The following EFNA2 variants were observed in gnomAD, a reference collection of about 807,000 sequenced individuals.
EFNA2 encodes the protein ephrin-A2.
Under a neutral mutation model 19.7 loss-of-function variants are expected in EFNA2, and 18 were observed. The observed-to-expected ratio is 0.91, with a 90% CI of 0.63 to 1.35. The LOEUF (loss-of-function observed/expected upper bound fraction) is 1.35, where lower values mean the gene tolerates loss of function less well. Among genes scored for constraint, EFNA2 ranks in the 40% most tolerant of loss-of-function variants. EFNA2 has a pLI of 0.00. For synonymous variants in EFNA2, 187 were observed against 137.8 expected (o/e 1.36, Z -2.50); for missense variants, 303 against 296.0 (o/e 1.02, Z -0.17).
Position 1,295,740 on chromosome 19 carries a change from G to T in EFNA2, c.336G>T (p.Trp112Cys). The T allele has an allele frequency of 6.2e-7, 1 of 1,607,826 alleles. No homozygotes were observed. The highest frequency in any genetic ancestry group is 8.5e-7 in the Non-Finnish European group (1 of 1,177,832). Residue 112 changes from tryptophan (W) to cysteine (C), a missense_variant, in exon 2 of 4, where the codon TGG (tryptophan) becomes TGT (cysteine). Coordinates refer to ENST00000215368, the MANE Select transcript of EFNA2 (RefSeq NM_001405.4). The surrounding 1 kb of genome is among the most constrained non-coding windows in gnomAD (Gnocchi z 5.8). ...ACCGCCAGCGCGGCTTCAAGCGCTG[G>T]GAGTGCAACCGGCCCGCGGCGCCCG... ...CDHRQRGFKRWECNRPAAPGG... is the reference protein window; with the variant it reads ...CDHRQRGFKRCECNRPAAPGG...
intron 3 of EFNA2, 134 bp from the exon 4 acceptor site, chr19:1,299,690 C>T: frequency 7.9e-7 from 1 of 1,273,028 alleles, no homozygotes. Flanking sequence ...GGGATGGCAC[C>T]AAGAGGGAGC....
At chr19:1,292,716 G>T (rs895692174) in intron 1 of EFNA2, among the ~76,000 whole-genome samples, 1 of 152,148 alleles carries the variant, frequency 6.6e-6, no homozygotes, top group African/African-American at 2.4e-5. Context: ...TTATTCTGAG[G>T]ATCAGGAATG....
chr19:1,298,914 C>T (rs2081527896), intron 3 of EFNA2, among the ~76,000 whole-genome samples: 1 of 152,170 alleles, frequency 6.6e-6, no homozygotes, highest in Non-Finnish European at 1.5e-5. Context: ...CACTGCATTC[C>T]AGCCTGGGTG....
chr19:1,296,274 G>A lies in EFNA2; in HGVS notation c.454+416G>A, dbSNP rs34917646. On this transcript the variant is annotated intron_variant, in intron 2 of 3. Coordinates refer to ENST00000215368, the MANE Select transcript of EFNA2 (RefSeq NM_001405.4). The surrounding 1 kb of genome is among the most constrained non-coding windows in gnomAD (Gnocchi z 4.4). ...CTCAGACCACTTGGTGGTTGGGCCA[G>A]TAGACCTGGCTCAGCCCCCCGATAG... is the stretch of plus-strand genomic sequence containing the variant. 0.15 allele frequency among the ~76,000 whole-genome samples: 22,874 copies of A among 152,166 alleles called. 2,185 individuals are homozygous for A. Among genetic ancestry groups the A allele is most frequent in the African/African-American group, 0.27 (11,159 of 41,478 alleles).
At chr19:1,299,582 C>CAA (rs76643561) in intron 3 of EFNA2, among the ~76,000 whole-genome samples, 18 of 94,858 alleles carry the variant, frequency 1.9e-4, no homozygotes, top group African/African-American at 4.6e-4. Flanking sequence ...AAAAATAAAG[C>CAA]AAAAAAAAAA....
intron 1 of EFNA2, among the ~76,000 whole-genome samples, chr19:1,291,527 A>G (rs1467280556): frequency 5.3e-5 from 8 of 151,958 alleles, no homozygotes. Flanking sequence ...CCTCAGCCCC[A>G]CGCTGGGCTT....
Position 1,286,271 on chromosome 19 carries a change from G to A in EFNA2, c.103G>A (p.Asp35Asn). 9.0e-7 allele frequency: 1 copy of A among 1,112,308 alleles called. No homozygotes were observed. Among genetic ancestry groups the A allele is most frequent in the Non-Finnish European group, 1.1e-6 (1 of 899,668 alleles). 68.9% of individuals were successfully genotyped at this position (1,112,308 alleles called of 1,614,324 possible). Residue 35 changes from aspartate (D) to asparagine (N), a missense_variant, in exon 1 of 4, where the codon GAC (aspartate) becomes AAC (asparagine). Asp to Asn is a conservative substitution (Grantham distance 23, BLOSUM62 1). Transcript: ENST00000215368. The surrounding 1 kb of genome is among the most constrained non-coding windows in gnomAD (Gnocchi z 5.6). ...RAEDAARANS[D>N]RYAVYWNRSN... ...CGAGGACGCCGCCCGCGCCAACTCGGACCGCTACGCCGTCTACTGGAACCG... is the reference window on the plus strand; with the variant it reads ...CGAGGACGCCGCCCGCGCCAACTCGAACCGCTACGCCGTCTACTGGAACCG...
chr19:1,299,191 T>C (rs1165717717), intron 3 of EFNA2, among the ~76,000 whole-genome samples: 1 of 152,072 alleles, frequency 6.6e-6, no homozygotes, highest in African/African-American at 2.4e-5. Context: ...TGAGCCCAGA[T>C]TGCGCCACTG....
At chr19:1,292,722 G>GA (rs1025407586) in intron 1 of EFNA2, among the ~76,000 whole-genome samples, 2 of 152,158 alleles carry the variant, frequency 1.3e-5, no homozygotes, top group Non-Finnish European at 2.9e-5. Flanking sequence ...TGAGGATCAG[G>GA]AATGGATGGA....
Position 1,287,890 on chromosome 19 carries a change from GA to G in EFNA2, c.140+1583del, listed in dbSNP as rs1285305809. Among the ~76,000 whole-genome samples, 2 of 152,242 alleles carry G rather than the reference GA, an allele frequency of 1.3e-5. No individual in the cohort carries two copies. Among genetic ancestry groups the G allele is most frequent in the African/African-American group, 4.8e-5 (2 of 41,460 alleles). ...ACACACGAGGACCCGGCAACCGGGGGAGGAAGGTGGTCACCAGGGCCGTCCT... is the reference window on the plus strand; with the variant it reads ...ACACACGAGGACCCGGCAACCGGGGGGGAAGGTGGTCACCAGGGCCGTCCT... On this transcript the variant is annotated intron_variant, in intron 1 of 3. Transcript: ENST00000215368. This position sits in a 1 kb window ranked among gnomAD's most constrained non-coding sequence, Gnocchi z 6.2.
At position 1,286,426 on chromosome 19, in the gene EFNA2, C is replaced by T. The variant is rs567079574; in HGVS notation, c.140+118C>T. On this transcript the variant is annotated intron_variant, in intron 1 of 3. Coordinates refer to ENST00000215368, the MANE Select transcript of EFNA2 (RefSeq NM_001405.4). This position sits in a 1 kb window ranked among gnomAD's most constrained non-coding sequence, Gnocchi z 5.6. ...CCACGCGCGCGCCGCCGCCGGGATG[C>T]GGGCGCCCGGTTCCCGCGGGAGCCC... The T allele has an allele frequency of 2.8e-3, 813 of 288,310 alleles. 3 individuals carry two copies. Among genetic ancestry groups the T allele is most frequent in the Middle Eastern group, 3.6e-3 (2 of 548 alleles). The allele number at this position is 288,310 out of a possible 1,614,324, so 17.9% of individuals were successfully genotyped here.
At chr19:1,293,551 C>T (rs1005420401) in intron 1 of EFNA2, among the ~76,000 whole-genome samples, 7 of 152,220 alleles carry the variant, frequency 4.6e-5, no homozygotes, top group Non-Finnish European at 8.8e-5. Flanking sequence ...CAAATCCAGA[C>T]GCAAGCCCAG....
chr19:1,292,952 A>G (rs950394587), intron 1 of EFNA2, among the ~76,000 whole-genome samples: 8 of 152,202 alleles, frequency 5.3e-5, no homozygotes, highest in Admixed American at 2.6e-4. Flanking sequence ...AGGAGGCACC[A>G]TTGGGGAACC....
chr19:1,295,785 G>A lies in EFNA2; in HGVS notation c.381G>A (p.Ser127=). ...PAAPGGPLKF[S]EKFQLFTPFS... is the part of the protein sequence containing the mutation. The stretch of plus-strand genomic sequence containing the variant: ...CGCCCGGGGGGCCGCTCAAGTTCTC[G>A]GAGAAGTTCCAGCTCTTCACGCCCT... The change falls in exon 2 of 4, where the codon TCG becomes TCA. Residue 127 remains serine (S), a synonymous_variant. Transcript: ENST00000215368. The surrounding 1 kb of genome is among the most constrained non-coding windows in gnomAD (Gnocchi z 5.8). 6.2e-7 allele frequency: 1 copy of A among 1,608,116 alleles called. No homozygotes were observed. The highest frequency in any genetic ancestry group is 8.5e-7 in the Non-Finnish European group (1 of 1,178,314).
At chr19:1,291,053 G>A (rs928651232) in intron 1 of EFNA2, among the ~76,000 whole-genome samples, 3 of 152,168 alleles carry the variant, frequency 2.0e-5, no homozygotes, top group African/African-American at 7.2e-5. Context: ...AGCAGCCGAG[G>A]CCCTGAAAGA....
In EFNA2 at chr19:1,295,641, G is replaced by A; in HGVS notation, c.237G>A (p.Pro79=). The change falls in exon 2 of 4, where the codon CCG becomes CCA. Residue 79 remains proline, a synonymous_variant. Coordinates refer to ENST00000215368, the MANE Select transcript of EFNA2 (RefSeq NM_001405.4). The surrounding 1 kb of genome is among the most constrained non-coding windows in gnomAD (Gnocchi z 5.8). Reference sequence around the variant, plus strand: ...TCTACTGCCCGCACTATGGGGCGCCGCTGCCGCCGGCCGAGCGCATGGAGC... The same window carrying A: ...TCTACTGCCCGCACTATGGGGCGCCACTGCCGCCGGCCGAGCGCATGGAGC... ...LDIYCPHYGA[P]LPPAERMEHY... The A allele has an allele frequency of 6.2e-7, 1 of 1,611,268 alleles. No individual in the cohort carries two copies. Among genetic ancestry groups the A allele is most frequent in the South Asian group, 1.1e-5 (1 of 90,828 alleles).
intron 1 of EFNA2, among the ~76,000 whole-genome samples, chr19:1,293,567 C>G (rs902065568): frequency 2.0e-5 from 3 of 152,196 alleles, no homozygotes; most frequent in Non-Finnish European, 2.9e-5. Flanking sequence ...CCCAGAACTG[C>G]AAGATTCCGA....
rs574706053 is a variant in EFNA2, at chr19:1,287,445, C to T, written c.140+1137C>T. Among the ~76,000 whole-genome samples the T allele has an allele frequency of 1.1e-4, 17 of 152,286 alleles. No individual in the cohort carries two copies. Among genetic ancestry groups the T allele is most frequent in the Admixed American group, 7.8e-4 (12 of 15,304 alleles). On this transcript the variant is annotated intron_variant, in intron 1 of 3. Transcript: ENST00000215368. The surrounding 1 kb of genome is among the most constrained non-coding windows in gnomAD (Gnocchi z 6.2). ...TTTTCCAGCCGCTTCCTGTGCCGAC[C>T]GAGCCGCCCTCTGGAGCCCGCCACC...
rs189739334 is a variant in EFNA2, at chr19:1,297,322, G to A, written c.455-1229G>A. On this transcript the variant is annotated intron_variant, in intron 2 of 3. Coordinates refer to ENST00000215368, the MANE Select transcript of EFNA2 (RefSeq NM_001405.4). The surrounding 1 kb of genome is among the most constrained non-coding windows in gnomAD (Gnocchi z 5.0). ...TTCCCTTTTAATTCAGGGAAGAAGC[G>A]GGTGGGGGACGGGGGAAGGTGTTTA... Among the ~76,000 whole-genome samples, 15 of 152,308 alleles carry A rather than the reference G, an allele frequency of 9.8e-5. No homozygotes were observed. In the East Asian group the frequency reaches 2.5e-3, roughly 25 times the overall value.
Sources: gnomAD v4.1 joint callset for allele counts (sites outside exome capture counted in the v4.1 genomes callset) on GRCh38, gnomAD v4.1.1 for gene constraint, Gnocchi (gnomAD v3.1) non-coding constraint, MANE v1.5 for transcripts, NCBI Gene and HGNC (gene_info 2026-07-23, HGNC 2026-07-21) for gene names.